DPP6: variants seen among roughly 807,000 people sequenced by gnomAD.
DPP6 encodes the protein A-type potassium channel modulatory protein DPP6.
DPP6 carries 69 observed loss-of-function variants against 122.6 expected under a neutral mutation model. The ratio of observed to expected loss-of-function variants is 0.56; its 90% confidence interval spans 0.46 to 0.69. The LOEUF (loss-of-function observed/expected upper bound fraction) is 0.69. DPP6 is among the 30% of genes least tolerant of loss of function. DPP6 has a pLI of 0.00. For synonymous variants in DPP6, 418 were observed against 433.1 expected (o/e 0.97, Z 0.43); for missense variants, 928 against 1,116.9 (o/e 0.83, Z 2.41).
chr7:153,764,449 A>G, the DPP6 span, among the ~76,000 whole-genome samples: 1 of 152,044 alleles, frequency 6.6e-6, no homozygotes, highest in African/African-American at 2.4e-5. Flanking sequence ...TGCACTCGCC[A>G]GTCTTAATTT....
At chr7:153,794,413 T>C in the DPP6 span, among the ~76,000 whole-genome samples, 150,287 of 152,340 alleles carry the variant, frequency 0.99, 74,140 homozygotes, top group Middle Eastern at 1. Flanking sequence ...TGCATGGGCC[T>C]TGTAACCACT....
intron 5 of DPP6, among the ~76,000 whole-genome samples, chr7:154,629,039 T>C (rs1023920582): frequency 3.3e-5 from 5 of 152,094 alleles, no homozygotes; most frequent in Admixed American, 1.3e-4. Flanking sequence ...AAAAGGAATA[T>C]GTACAGGACA....
intron 1 of DPP6, among the ~76,000 whole-genome samples, chr7:153,929,305 G>C (rs555501286): frequency 6.6e-6 from 1 of 152,174 alleles, no homozygotes; most frequent in Non-Finnish European, 1.5e-5. Context: ...TGAGACATGA[G>C]GATGGGCCAA....
chr7:154,610,927 C>T (rs1286697188), intron 5 of DPP6, among the ~76,000 whole-genome samples: 9 of 152,106 alleles, frequency 5.9e-5, no homozygotes. Context: ...AACCTCTCAC[C>T]TTTGTAAGAC....
chr7:154,803,739 G>A, intron 13 of DPP6, 125 bp from the exon 14 acceptor site: 1 of 1,401,860 alleles, frequency 7.1e-7, no homozygotes, highest in Non-Finnish European at 9.5e-7. Flanking sequence ...AAGGGGCAGA[G>A]AGCCCTTCCC....
the DPP6 span, among the ~76,000 whole-genome samples, chr7:153,776,268 T>C: frequency 6.6e-6 from 1 of 152,178 alleles, no homozygotes; most frequent in African/African-American, 2.4e-5. Context: ...GTAGTTCCCG[T>C]AATCCCCAAG....
intron 1 of DPP6, among the ~76,000 whole-genome samples, chr7:154,060,872 A>G (rs10228167): frequency 0.65 from 85,299 of 131,128 alleles, 29,694 homozygotes; most frequent in African/African-American, 0.79. Context: ...GACCCACATC[A>G]CAGAGTGGGG....
At chr7:154,216,226 G>A (rs1799985657) in intron 1 of DPP6, among the ~76,000 whole-genome samples, 1 of 151,774 alleles carries the variant, frequency 6.6e-6, no homozygotes, top group Admixed American at 6.5e-5. Flanking sequence ...GGGAAATCAG[G>A]GACAGGGCAA....
At chr7:154,195,761 G>T (rs946369363) in intron 1 of DPP6, among the ~76,000 whole-genome samples, 5 of 152,084 alleles carry the variant, frequency 3.3e-5, no homozygotes, top group Admixed American at 2.6e-4. Flanking sequence ...ATTCTGTTAT[G>T]CCACTCCTTT....
chr7:154,542,109 C>T (rs1828775019), intron 4 of DPP6, among the ~76,000 whole-genome samples: 1 of 152,124 alleles, frequency 6.6e-6, no homozygotes, highest in Admixed American at 6.5e-5. Context: ...ATGCATGCTG[C>T]CCCTAACATA....
chr7:154,234,343 C>A (rs1801079681), intron 1 of DPP6, among the ~76,000 whole-genome samples: 1 of 152,148 alleles, frequency 6.6e-6, no homozygotes, highest in East Asian at 1.9e-4. Flanking sequence ...GATGATAAGA[C>A]ACTCCCATCT....
chr7:154,446,462 T>C, intron 2 of DPP6, 134 bp downstream of exon 2: 1 of 513,628 alleles, frequency 1.9e-6, no homozygotes, highest in Admixed American at 4.0e-5. Context: ...CTATGCCATA[T>C]GATATAATAT....
At chr7:154,008,938 T>A (rs1330958619) in intron 1 of DPP6, among the ~76,000 whole-genome samples, 1 of 148,622 alleles carries the variant, frequency 6.7e-6, no homozygotes. Flanking sequence ...GTGCTGGGAT[T>A]ACAGGCGTGA....
intron 1 of DPP6, among the ~76,000 whole-genome samples, chr7:153,978,651 G>A (rs1284871348): frequency 1.3e-5 from 2 of 152,128 alleles, no homozygotes; most frequent in African/African-American, 4.8e-5. Flanking sequence ...GAATGGTATT[G>A]CCTAGGTTTT....
At chr7:154,482,233 A>G (rs1390580788) in intron 3 of DPP6, among the ~76,000 whole-genome samples, 1 of 151,972 alleles carries the variant, frequency 6.6e-6, no homozygotes, top group Non-Finnish European at 1.5e-5. Flanking sequence ...CCTGAGGGAG[A>G]AGAGCCAGAG....
intron 1 of DPP6, among the ~76,000 whole-genome samples, chr7:154,158,930 C>T (rs1322682991): frequency 1.3e-5 from 2 of 152,042 alleles, no homozygotes; most frequent in African/African-American, 2.4e-5. Flanking sequence ...CATGCAAGCA[C>T]TTGCACACTG....
intron 21 of DPP6, chr7:154,884,570 T>C (rs1563325665): frequency 6.8e-6 from 1 of 148,128 alleles, no homozygotes; most frequent in African/African-American, 2.5e-5. Flanking sequence ...CACCCATACA[T>C]ACACACGATT....
chr7:153,851,878 C>T, the DPP6 span, among the ~76,000 whole-genome samples: 1 of 152,142 alleles, frequency 6.6e-6, no homozygotes, highest in South Asian at 2.1e-4. Context: ...TTTCATTGCT[C>T]TGTAATTTAC....
intron 16 of DPP6, among the ~76,000 whole-genome samples, chr7:154,837,664 G>C (rs1258925050): frequency 6.6e-6 from 1 of 152,246 alleles, no homozygotes; most frequent in Admixed American, 6.5e-5. Flanking sequence ...AGTTGGTCTT[G>C]TATAGTGTGG....
Sources: gnomAD v4.1 joint callset for allele counts (sites outside exome capture counted in the v4.1 genomes callset) on GRCh38, gnomAD v4.1.1 for gene constraint, MANE v1.5 for transcripts, NCBI Gene and HGNC (gene_info 2026-07-23, HGNC 2026-07-21) for gene names.